AQP9: variants seen among roughly 807,000 people sequenced by gnomAD.
The protein encoded by AQP9 is aquaporin-9.
A neutral mutation model predicts 23.8 loss-of-function variants in AQP9; 19 were observed. The observed-to-expected ratio is 0.80, with a 90% CI of 0.56 to 1.17. The LOEUF (loss-of-function observed/expected upper bound fraction) is 1.17. Among genes scored for constraint, AQP9 ranks in the 50% most tolerant of loss-of-function variants. AQP9 has a pLI of 0.00. For synonymous variants in AQP9, 153 were observed against 131.5 expected, an observed-to-expected ratio of 1.16 and a Z score of -1.12; for missense variants, 413 against 362.0, an observed-to-expected ratio of 1.14 and a Z score of -1.14.
rs1380086078 is a variant in AQP9 at position 58,185,296 on chromosome 15, G to C, written c.*1161G>C. 5.2e-5 allele frequency: 8 copies of C among 152,666 alleles called. No homozygotes were observed. Among genetic ancestry groups the C allele is most frequent in the Non-Finnish European group, 8.8e-5 (6 of 68,050 alleles). 9.5% of individuals were successfully genotyped at this position (152,666 alleles called of 1,614,324 possible). ...CATTCCTCTACCTTTCAGAAGATCA[G>C]TAGCTGGCTGACAATCTTTGCCAAA... On this transcript the variant is annotated 3_prime_UTR_variant, in exon 6 of 6. Transcript: ENST00000219919.
intron 1 of AQP9, chr15:58,155,401 A>AGCCATTCCGTATATTGG: frequency 6.6e-6 from 1 of 152,276 alleles, no homozygotes; most frequent in East Asian, 1.9e-4. Context: ...CCTATTCTAC[A>AGCCATTCCGTATATTGG]AACCTGCTAT....
chr15:58,166,501 G>T, intron 1 of AQP9, 172 bp from the exon 2 acceptor site: 1 of 733,932 alleles, frequency 1.4e-6, no homozygotes, highest in Non-Finnish European at 2.0e-6. Context: ...ATGCAGCCTT[G>T]GGTCCACCAT....
chr15:58,156,836 G>A (rs72743571), intron 1 of AQP9, among the ~76,000 whole-genome samples: 52,387 of 151,958 alleles, frequency 0.34, 11,060 homozygotes, highest in Admixed American at 0.51. Flanking sequence ...ATTCAGGTGC[G>A]TCTGCCATAC....
chr15:58,151,403 ACTAT>A (rs1262635372), intron 1 of AQP9: 1 of 152,166 alleles, frequency 6.6e-6, no homozygotes, highest in East Asian at 1.9e-4. Context: ...AATTAACATA[ACTAT>A]CCACAACCTA....
intron 1 of AQP9, among the ~76,000 whole-genome samples, chr15:58,144,918 G>A (rs1325653098): frequency 1.3e-5 from 2 of 150,662 alleles, no homozygotes; most frequent in Non-Finnish European, 2.9e-5. Context: ...GGAGGCTGAG[G>A]CAGGAGAATC....
chr15:58,160,123 C>A (rs138672788), intron 1 of AQP9, among the ~76,000 whole-genome samples: 1 of 152,330 alleles, frequency 6.6e-6, no homozygotes, highest in Non-Finnish European at 1.5e-5. Context: ...ACATTCCTAA[C>A]AACAGCGTAT....
intron 2 of AQP9, among the ~76,000 whole-genome samples, chr15:58,169,644 G>A (rs1408179569): frequency 2.0e-5 from 3 of 152,130 alleles, no homozygotes; most frequent in African/African-American, 7.2e-5. Context: ...CTATTTTGTG[G>A]TCACCGACTA....
At chr15:58,161,047 C>T (rs1033851446) in intron 1 of AQP9, among the ~76,000 whole-genome samples, 4 of 152,098 alleles carry the variant, frequency 2.6e-5, no homozygotes, top group African/African-American at 9.7e-5. Context: ...GCCCTGAGGA[C>T]CAGCTTGAGG....
At position 58,178,584 on chromosome 15, in the gene AQP9, C is replaced by T. The variant is rs189973272; in HGVS notation, c.496-544C>T. Among the ~76,000 whole-genome samples the T allele has an allele frequency of 1.5e-3, 221 of 152,262 alleles. 1 individual carries two copies. The South Asian group carries it at 0.037, about 25-fold the overall frequency. ...GATCTATTAGAAAAGCCTGAAATAA[C>T]GGGTATCTTTTTCCTAACATTTGAT... On this transcript the variant is annotated intron_variant, in intron 4 of 5. Transcript: ENST00000219919.
At chr15:58,164,637 G>A (rs1437507024) in intron 1 of AQP9, among the ~76,000 whole-genome samples, 1 of 152,138 alleles carries the variant, frequency 6.6e-6, no homozygotes, top group Non-Finnish European at 1.5e-5. Context: ...TGCTGTAACT[G>A]TATTTAACAT....
chr15:58,185,899 TC>T lies in AQP9; in HGVS notation c.*1765del, dbSNP rs1265407270. On this transcript the variant is annotated 3_prime_UTR_variant, in exon 6 of 6. Coordinates refer to ENST00000219919, the MANE Select transcript of AQP9 (RefSeq NM_020980.5). ...TATTTCCTATTTGAAATAAAATTGT[TC>T]GGTCATTGTTGGTTGCTTGGTTGGT... The T allele has an allele frequency of 6.6e-6, 1 of 152,246 alleles. No individual in the cohort carries two copies. Among genetic ancestry groups the T allele is most frequent in the Non-Finnish European group, 1.5e-5 (1 of 68,048 alleles). The allele number at this position is 152,246 out of a possible 1,614,324, so 9.4% of individuals were successfully genotyped here. A position where few individuals can be genotyped will look rare whatever the true frequency, so the allele number is the denominator to read the frequency against.
intron 1 of AQP9, among the ~76,000 whole-genome samples, chr15:58,138,977 G>C (rs1176016313): frequency 6.6e-6 from 1 of 152,192 alleles, no homozygotes; most frequent in African/African-American, 2.4e-5. Flanking sequence ...TGATTTAAAA[G>C]TCAGTCGTTA....
intron 4 of AQP9, among the ~76,000 whole-genome samples, chr15:58,178,463 T>G (rs908317110): frequency 4.6e-5 from 7 of 152,212 alleles, no homozygotes; most frequent in Non-Finnish European, 1.0e-4. Context: ...TTCTCAAACA[T>G]CCAGCAGCAT....
At chr15:58,159,398 G>A (rs114248410) in intron 1 of AQP9, among the ~76,000 whole-genome samples, 3 of 152,048 alleles carry the variant, frequency 2.0e-5, no homozygotes, top group African/African-American at 7.2e-5. Flanking sequence ...CATAACAGAT[G>A]TACATATTTT....
intron 1 of AQP9, chr15:58,155,516 C>T (rs970835956): frequency 1.3e-5 from 2 of 152,134 alleles, no homozygotes; most frequent in African/African-American, 4.8e-5. Flanking sequence ...TTTTATCTTA[C>T]CTTTCATCAT....
intron 1 of AQP9, among the ~76,000 whole-genome samples, chr15:58,147,941 C>T (rs1898078742): frequency 6.6e-6 from 1 of 152,046 alleles, no homozygotes; most frequent in Non-Finnish European, 1.5e-5. Context: ...CACATGCACA[C>T]TTTTTGACAA....
chr15:58,168,723 T>C (rs932935937), intron 2 of AQP9, among the ~76,000 whole-genome samples: 1 of 152,192 alleles, frequency 6.6e-6, no homozygotes, highest in African/African-American at 2.4e-5. Context: ...CAGCTTTTGC[T>C]GTGATCCCAG....
At chr15:58,143,071 C>G (rs1252553524) in intron 1 of AQP9, among the ~76,000 whole-genome samples, 1 of 152,196 alleles carries the variant, frequency 6.6e-6, no homozygotes, top group African/African-American at 2.4e-5. Context: ...AGCATTTTAT[C>G]AAAAGCTCTT....
intron 5 of AQP9, among the ~76,000 whole-genome samples, chr15:58,183,640 T>C (rs1203654965): frequency 2.0e-5 from 3 of 152,180 alleles, no homozygotes; most frequent in Non-Finnish European, 4.4e-5. Context: ...AAGGCAATTC[T>C]GAATAATTGA....
Sources: gnomAD v4.1 joint callset for allele counts (sites outside exome capture counted in the v4.1 genomes callset) on GRCh38, gnomAD v4.1.1 for gene constraint, MANE v1.5 for transcripts, NCBI Gene and HGNC (gene_info 2026-07-23, HGNC 2026-07-21) for gene names.